PPP2R5E: variants seen among roughly 807,000 people sequenced by gnomAD.
PPP2R5E encodes the protein serine/threonine-protein phosphatase 2A 56 kDa regulatory subunit epsilon isoform.
In PPP2R5E, 4 loss-of-function variants were observed where a neutral mutation model predicts 65.3. The observed-to-expected ratio is 0.06, with a 90% CI of 0.03 to 0.14. The LOEUF is 0.14. Among genes scored for constraint, PPP2R5E ranks in the 10% least tolerant of loss-of-function variants. The probability of loss-of-function intolerance (pLI) is 1.00; values close to 1 mark genes in which losing one functional copy is unlikely to be tolerated. For synonymous variants in PPP2R5E, 183 were observed against 187.4 expected (o/e 0.98, Z 0.19); for missense variants, 274 against 556.1 (o/e 0.49, Z 5.10).
chr14:63,404,885 A>G (rs924859465), intron 5 of PPP2R5E, among the ~76,000 whole-genome samples: 2 of 152,230 alleles, frequency 1.3e-5, no homozygotes, highest in South Asian at 2.1e-4. Context: ...GTGCTAAATA[A>G]TGATGCACTT....
At chr14:63,527,707 G>A (rs1046835075) in intron 2 of PPP2R5E, among the ~76,000 whole-genome samples, 49 of 152,230 alleles carry the variant, frequency 3.2e-4, no homozygotes, top group Admixed American at 1.1e-3. Context: ...AGGCCAAGGC[G>A]GGCGAATCAC....
intron 5 of PPP2R5E, among the ~76,000 whole-genome samples, chr14:63,409,571 C>T (rs1162129548): frequency 4.6e-5 from 7 of 151,978 alleles, no homozygotes; most frequent in African/African-American, 1.7e-4. Context: ...CAAGTCATCT[C>T]ATTTTATCTC....
intron 2 of PPP2R5E, among the ~76,000 whole-genome samples, chr14:63,506,831 T>C (rs1162536761): frequency 6.6e-6 from 1 of 152,186 alleles, no homozygotes; most frequent in Non-Finnish European, 1.5e-5. Context: ...GTATGTCCAC[T>C]AAAATTGTAC....
Position 63,376,989 on chromosome 14 carries a change from C to T in PPP2R5E, c.1305-881G>A, listed in dbSNP as rs574001416. 9.2e-5 allele frequency among the ~76,000 whole-genome samples: 14 copies of T among 151,900 alleles called. No homozygotes were observed. In the East Asian group the frequency reaches 1.2e-3, roughly 13 times the overall value. On this transcript the variant is annotated intron_variant, in intron 13 of 13. Transcript: ENST00000337537. ...CTCTACTAAAAATACAAAAATTAGC[C>T]GGGCATGGTGGCGTATGCCTAGAGT...
chr14:63,447,963 TGCTGTA>T (rs1566709543), intron 3 of PPP2R5E, among the ~76,000 whole-genome samples: 6 of 152,200 alleles, frequency 3.9e-5, no homozygotes, highest in South Asian at 2.1e-4. Context: ...CGATTAAGTT[TGCTGTA>T]GGGGCACATT....
chr14:63,469,521 T>C (rs1316858279), intron 2 of PPP2R5E, among the ~76,000 whole-genome samples: 1 of 151,598 alleles, frequency 6.6e-6, no homozygotes, highest in African/African-American at 2.4e-5. Context: ...TGAAAACCCA[T>C]CTCTACTAAA....
chr14:63,487,357 C>CA (rs1891047564), intron 2 of PPP2R5E, among the ~76,000 whole-genome samples: 1 of 152,080 alleles, frequency 6.6e-6, no homozygotes, highest in African/African-American at 2.4e-5. Context: ...TTTACCACCC[C>CA]CCCCTCTTAA....
intron 2 of PPP2R5E, among the ~76,000 whole-genome samples, chr14:63,513,230 C>A (rs1467189982): frequency 1.3e-5 from 2 of 152,132 alleles, no homozygotes; most frequent in Admixed American, 6.6e-5. Flanking sequence ...TGAAGATACA[C>A]TCACCAAAGA....
chr14:63,389,909 T>C (rs1884908886), intron 10 of PPP2R5E, among the ~76,000 whole-genome samples, 178 bp from the exon 11 acceptor site: 1 of 152,172 alleles, frequency 6.6e-6, no homozygotes, highest in Admixed American at 6.5e-5. Flanking sequence ...GAATTCACCA[T>C]AGGGTACTTG....
At chr14:63,429,496 G>A (rs1156518123) in intron 3 of PPP2R5E, among the ~76,000 whole-genome samples, 1 of 152,114 alleles carries the variant, frequency 6.6e-6, no homozygotes, top group East Asian at 1.9e-4. Flanking sequence ...ACCTCATCAT[G>A]CAAGTAACAA....
At position 63,377,175 on chromosome 14, in the gene PPP2R5E, C is replaced by T. The variant is rs969230596; in HGVS notation, c.1305-1067G>A. On this transcript the variant is annotated intron_variant, in intron 13 of 13. Transcript: ENST00000337537. ...AAAAAAAAATAAAAAAAAAAAAATG[C>T]TGATCCAGATTAACATTCATAAATC... Among the ~76,000 whole-genome samples the T allele has an allele frequency of 4.6e-5, 7 of 151,552 alleles. No homozygotes were observed. The South Asian group carries it at 1.5e-3, about 32-fold the overall frequency.
At chr14:63,385,916 T>C (rs562800220) in intron 11 of PPP2R5E, among the ~76,000 whole-genome samples, 1 of 152,352 alleles carries the variant, frequency 6.6e-6, no homozygotes, top group African/African-American at 2.4e-5. Flanking sequence ...CCCTTTTCTC[T>C]GCCCACCATG....
chr14:63,410,027 T>C (rs1012220941), intron 5 of PPP2R5E, among the ~76,000 whole-genome samples: 1 of 152,186 alleles, frequency 6.6e-6, no homozygotes, highest in Non-Finnish European at 1.5e-5. Flanking sequence ...CACTACGTCA[T>C]AGTAAAATAG....
intron 2 of PPP2R5E, among the ~76,000 whole-genome samples, chr14:63,515,321 G>A (rs905750681): frequency 6.6e-6 from 1 of 152,066 alleles, no homozygotes; most frequent in Non-Finnish European, 1.5e-5. Context: ...AAATTATTTA[G>A]AATAAAAAGT....
intron 5 of PPP2R5E, among the ~76,000 whole-genome samples, chr14:63,397,780 G>A (rs1885495780): frequency 6.7e-6 from 1 of 149,378 alleles, no homozygotes; most frequent in African/African-American, 2.5e-5. Context: ...CTGGAGTGCA[G>A]TGGCACGATC....
intron 3 of PPP2R5E, among the ~76,000 whole-genome samples, chr14:63,446,300 C>T (rs1308719279): frequency 1.3e-5 from 2 of 152,168 alleles, no homozygotes; most frequent in Non-Finnish European, 2.9e-5. Context: ...TTCCAAACTC[C>T]TGTTAATGCT....
At chr14:63,481,495 C>CAAAAAA (rs59764365) in intron 2 of PPP2R5E, among the ~76,000 whole-genome samples, 3 of 93,066 alleles carry the variant, frequency 3.2e-5, no homozygotes, top group Non-Finnish European at 8.1e-5. Context: ...GACTCCATCT[C>CAAAAAA]AAAAAAAAAA....
At chr14:63,512,452 C>A (rs1440037499) in intron 2 of PPP2R5E, among the ~76,000 whole-genome samples, 1 of 152,172 alleles carries the variant, frequency 6.6e-6, no homozygotes, top group Admixed American at 6.5e-5. Flanking sequence ...AGTGATCATA[C>A]AAAGGCTTAA....
chr14:63,472,599 A>G (rs1890186787), intron 2 of PPP2R5E, among the ~76,000 whole-genome samples: 1 of 152,258 alleles, frequency 6.6e-6, no homozygotes, highest in Non-Finnish European at 1.5e-5. Context: ...AAAGCCAGTT[A>G]GGTTGAATTG....
Sources: allele counts gnomAD v4.1 joint callset (sites outside exome capture counted in the v4.1 genomes callset), GRCh38; gene constraint gnomAD v4.1.1; transcripts MANE v1.5; gene names NCBI Gene and HGNC (gene_info 2026-07-23, HGNC 2026-07-21).